The following LRCH1 variants were observed in gnomAD, a reference collection of about 807,000 sequenced individuals.
LRCH1 encodes the protein leucine-rich repeat and calponin homology domain-containing protein 1.
A neutral mutation model predicts 94.9 loss-of-function variants in LRCH1; 23 were observed. That is an observed-to-expected ratio of 0.24 (90% CI 0.17 to 0.34). The LOEUF (loss-of-function observed/expected upper bound fraction) is 0.34. Among genes scored for constraint, LRCH1 ranks in the 10% least tolerant of loss-of-function variants. The pLI is 1.00. For synonymous variants in LRCH1, 364 were observed against 354.9 expected, an observed-to-expected ratio of 1.03 and a Z score of -0.29; for missense variants, 790 against 945.9, an observed-to-expected ratio of 0.84 and a Z score of 2.16.
chr13:46,587,142 A>G (rs1330645366), intron 1 of LRCH1, among the ~76,000 whole-genome samples: 2 of 152,242 alleles, frequency 1.3e-5, no homozygotes, highest in East Asian at 3.8e-4. Flanking sequence ...TGATGTAAAA[A>G]TAGCACCCTA....
chr13:46,690,606 C>T (rs1416037453), intron 7 of LRCH1, among the ~76,000 whole-genome samples: 1 of 152,136 alleles, frequency 6.6e-6, no homozygotes, highest in African/African-American at 2.4e-5. Context: ...TAATTAGATG[C>T]ATATCTTTGG....
At chr13:46,651,649 G>A (rs1378111138) in intron 2 of LRCH1, among the ~76,000 whole-genome samples, 7 of 143,976 alleles carry the variant, frequency 4.9e-5, no homozygotes, top group African/African-American at 1.8e-4. Flanking sequence ...TAACAAAAGC[G>A]AAACTCCATG....
chr13:46,675,474 A>G (rs1402792157), intron 3 of LRCH1, among the ~76,000 whole-genome samples: 1 of 152,222 alleles, frequency 6.6e-6, no homozygotes, highest in Non-Finnish European at 1.5e-5. Context: ...CTAATCAAAA[A>G]TCTCACAAGG....
intron 18 of LRCH1, among the ~76,000 whole-genome samples, chr13:46,729,550 CAAA>C (rs61033499): frequency 3.3e-4 from 29 of 89,132 alleles, no homozygotes; most frequent in Non-Finnish European, 3.8e-4. Context: ...GACCCTGTCT[CAAA>C]AAAAAAAAAA....
intron 3 of LRCH1, 46 bp downstream of exon 3, chr13:46,669,202 T>C: frequency 6.2e-7 from 1 of 1,604,418 alleles, no homozygotes; most frequent in Non-Finnish European, 8.5e-7. Context: ...GGTTGACTGA[T>C]CATAGCCTCT....
intron 8 of LRCH1, among the ~76,000 whole-genome samples, chr13:46,693,646 G>T (rs1338968888): frequency 6.6e-6 from 1 of 152,140 alleles, no homozygotes; most frequent in African/African-American, 2.4e-5. Context: ...AAATTCTGTG[G>T]CTCTTTAATA....
chr13:46,643,895 T>C (rs1015419307), intron 1 of LRCH1, among the ~76,000 whole-genome samples: 1 of 152,230 alleles, frequency 6.6e-6, no homozygotes, highest in African/African-American at 2.4e-5. Context: ...TTTTTTTCAG[T>C]ACTTTCCTTT....
At chr13:46,623,693 G>GTTTTTTTTTT (rs5803361) in intron 1 of LRCH1, among the ~76,000 whole-genome samples, 11 of 128,496 alleles carry the variant, frequency 8.6e-5, no homozygotes, top group African/African-American at 1.5e-4. Context: ...CCCTGTCTCT[G>GTTTTTTTTTT]TTTTTTTTTT....
At chr13:46,667,098 G>A (rs1233483699) in intron 2 of LRCH1, among the ~76,000 whole-genome samples, 1 of 152,138 alleles carries the variant, frequency 6.6e-6, no homozygotes, top group Non-Finnish European at 1.5e-5. Flanking sequence ...CCTTCTGCTG[G>A]ACCCTCTTAA....
chr13:46,706,299 C>G (rs1871757663), intron 13 of LRCH1, among the ~76,000 whole-genome samples: 2 of 152,100 alleles, frequency 1.3e-5, no homozygotes, highest in Non-Finnish European at 2.9e-5. Context: ...TTGTAAAGAT[C>G]GAATTAGGAA....
At chr13:46,696,298 C>T (rs1871184255) in intron 9 of LRCH1, among the ~76,000 whole-genome samples, 1 of 152,146 alleles carries the variant, frequency 6.6e-6, no homozygotes, top group African/African-American at 2.4e-5. Context: ...TCTCAGGCCA[C>T]TGGTTCTACA....
At chr13:46,584,736 A>AT (rs1452975968) in intron 1 of LRCH1, among the ~76,000 whole-genome samples, 2 of 152,074 alleles carry the variant, frequency 1.3e-5, no homozygotes, top group African/African-American at 4.8e-5. Flanking sequence ...GAACTTAATC[A>AT]TTTTTTGTTT....
intron 11 of LRCH1, among the ~76,000 whole-genome samples, chr13:46,703,247 G>T (rs1241795739): frequency 6.6e-6 from 1 of 152,190 alleles, no homozygotes; most frequent in Non-Finnish European, 1.5e-5. Flanking sequence ...AACGAATCAG[G>T]AAGTAGTGTG....
chr13:46,633,879 ATTT>A (rs796924628), intron 1 of LRCH1, among the ~76,000 whole-genome samples: 157 of 122,620 alleles, frequency 1.3e-3, no homozygotes, highest in African/African-American at 4.3e-3. Flanking sequence ...CTTTTCCTGC[ATTT>A]TTTTTTTTTT....
rs1469609380 is a variant in LRCH1 at position 46,652,064 on chromosome 13, T to TG, written c.452+1719_452+1720insG. Among the ~76,000 whole-genome samples, 110 of 134,870 alleles carry TG rather than the reference T, an allele frequency of 8.2e-4. 11 individuals are homozygous for TG. Among genetic ancestry groups the TG allele is most frequent in the Non-Finnish European group, 1.4e-3 (88 of 61,120 alleles). The allele number at this position is 134,870 out of a possible 152,430, so 88.5% of individuals were successfully genotyped here. A position where few individuals can be genotyped will look rare whatever the true frequency, so the allele number is the denominator to read the frequency against. ...CACCAGGCCTGCTGATGTTTTTTTT[T>TG]TTTTTTTTTTTGTTTTGTTTTGTTT... On this transcript the variant is annotated intron_variant, in intron 2 of 19. Coordinates refer to ENST00000389797, the MANE Select transcript of LRCH1 (RefSeq NM_001164211.2).
intron 8 of LRCH1, among the ~76,000 whole-genome samples, chr13:46,693,598 A>G (rs995160750): frequency 6.6e-6 from 1 of 152,178 alleles, no homozygotes; most frequent in African/African-American, 2.4e-5. Context: ...ACATGAGATG[A>G]TTAGATTAGG....
chr13:46,696,905 C>CA (rs1184069078), intron 9 of LRCH1, among the ~76,000 whole-genome samples: 1 of 151,906 alleles, frequency 6.6e-6, no homozygotes, highest in Non-Finnish European at 1.5e-5. Flanking sequence ...TCCATCTCTA[C>CA]AAAAAAACAA....
rs199973996 is a variant in LRCH1, at chr13:46,594,670, C to CG, written c.307+40971dup. On this transcript the variant is annotated intron_variant, in intron 1 of 19. Transcript: ENST00000389797. ...TAATATTTAAAGTTTCTCGATTTGA[C>CG]GGGGCTGAATTAGTTCATATGAGTT... 3.1e-3 allele frequency among the ~76,000 whole-genome samples: 479 copies of CG among 152,232 alleles called. 14 individuals carry two copies. Among genetic ancestry groups the CG allele is most frequent in the Admixed American group, 0.027 (415 of 15,300 alleles).
chr13:46,625,164 G>C (rs2050930207), intron 1 of LRCH1, among the ~76,000 whole-genome samples: 1 of 152,224 alleles, frequency 6.6e-6, no homozygotes, highest in Non-Finnish European at 1.5e-5. Context: ...GCACGTTGAG[G>C]GGTAGCTTAA....
Sources: allele counts gnomAD v4.1 joint callset (sites outside exome capture counted in the v4.1 genomes callset), GRCh38; gene constraint gnomAD v4.1.1; transcripts MANE v1.5; gene names NCBI Gene and HGNC (gene_info 2026-07-23, HGNC 2026-07-21).